The following LHCGR variants were observed in gnomAD, a reference collection of about 807,000 sequenced individuals.
LHCGR encodes the protein lutropin-choriogonadotropic hormone receptor.
A neutral mutation model predicts 60.7 loss-of-function variants in LHCGR; 55 were observed. That is an observed-to-expected ratio of 0.91 (90% confidence interval 0.73 to 1.13). The LOEUF (loss-of-function observed/expected upper bound fraction) is 1.13. LHCGR is among the 50% of genes most tolerant of loss of function. The pLI is 0.00. For synonymous variants in LHCGR, 337 were observed against 316.5 expected, an observed-to-expected ratio of 1.06 and a Z score of -0.69; for missense variants, 862 against 836.0, an observed-to-expected ratio of 1.03 and a Z score of -0.38.
Position 48,745,070 on chromosome 2 carries a change from A to G in LHCGR, c.161+10441T>C, listed in dbSNP as rs547593581. Among the ~76,000 whole-genome samples the G allele has an allele frequency of 8.1e-4, 123 of 152,352 alleles. 1 individual carries two copies. Among genetic ancestry groups the G allele is most frequent in the Admixed American group, 1.2e-3 (18 of 15,304 alleles). ...AGACACTTCTCAAAAGAAGACATTTATGCAGCCAAAAAACACATGAAAAAG... is the reference window on the plus strand; with the variant it reads ...AGACACTTCTCAAAAGAAGACATTTGTGCAGCCAAAAAACACATGAAAAAG... On this transcript the variant is annotated intron_variant, in intron 1 of 10. Transcript: ENST00000294954.
At chr2:48,743,869 A>G (rs1348626034) in intron 1 of LHCGR, among the ~76,000 whole-genome samples, 1 of 151,960 alleles carries the variant, frequency 6.6e-6, no homozygotes, top group East Asian at 1.9e-4. Flanking sequence ...GAAGGAAATA[A>G]AGGGTATTCA....
intron 4 of LHCGR, among the ~76,000 whole-genome samples, chr2:48,724,461 A>C (rs1259062678): frequency 2.6e-5 from 4 of 152,196 alleles, no homozygotes; most frequent in Non-Finnish European, 4.4e-5. Context: ...GTGACAATGA[A>C]ACAAAGCCAG....
At position 48,697,504 on chromosome 2, in the gene LHCGR, T is replaced by C. The variant is rs111333486; in HGVS notation, c.866+1111A>G. ...GTTAATGTTTTGGAAGATCAGTTAA[T>C]GGCACATGACTCTGTGAATACAGCA... is the stretch of plus-strand genomic sequence containing the variant. On this transcript the variant is annotated intron_variant, in intron 9 of 10. Transcript: ENST00000294954. 2.8e-3 allele frequency among the ~76,000 whole-genome samples: 420 copies of C among 152,358 alleles called. 8 individuals are homozygous for C. The highest frequency in any genetic ancestry group is 9.8e-3 in the African/African-American group (409 of 41,592).
chr2:48,711,666 C>T (rs1055976798), intron 7 of LHCGR, among the ~76,000 whole-genome samples: 5 of 152,110 alleles, frequency 3.3e-5, no homozygotes, highest in Admixed American at 1.3e-4. Flanking sequence ...GTTTTTCTCC[C>T]GTCTGTTTTA....
At chr2:48,707,195 CT>C (rs1667728434) in intron 8 of LHCGR, among the ~76,000 whole-genome samples, 1 of 152,214 alleles carries the variant, frequency 6.6e-6, no homozygotes, top group African/African-American at 2.4e-5. Context: ...CCACTCCGGA[CT>C]CTGTTTGCCT....
intron 6 of LHCGR, among the ~76,000 whole-genome samples, chr2:48,715,085 G>C (rs904626829): frequency 6.6e-6 from 1 of 152,092 alleles, no homozygotes; most frequent in African/African-American, 2.4e-5. Context: ...TCTCAGTGGG[G>C]CCTTTACTGG....
chr2:48,754,482 A>G (rs1158034439), intron 1 of LHCGR, among the ~76,000 whole-genome samples: 1 of 151,112 alleles, frequency 6.6e-6, no homozygotes, highest in Non-Finnish European at 1.5e-5. Flanking sequence ...CTCTTTTCAC[A>G]GCTGTATTGA....
chr2:48,743,527 G>C (rs1344959857), intron 1 of LHCGR, among the ~76,000 whole-genome samples: 1 of 152,314 alleles, frequency 6.6e-6, no homozygotes, highest in Admixed American at 6.5e-5. Flanking sequence ...TGGGATGCAA[G>C]GCTGGTTCAA....
At chr2:48,747,726 T>G (rs1451142274) in intron 1 of LHCGR, among the ~76,000 whole-genome samples, 1 of 150,736 alleles carries the variant, frequency 6.6e-6, no homozygotes, top group Non-Finnish European at 1.5e-5. Flanking sequence ...TCTCCTTACA[T>G]CTTCACAGCA....
In LHCGR at chr2:48,725,562, C is replaced by G. The variant is rs6545063; in HGVS notation, c.383+114G>C. The G allele has an allele frequency of 0.99, 766,322 of 775,656 alleles. 378,566 individuals are homozygous for G. The highest frequency in any genetic ancestry group is 1 in the East Asian group (40,114 of 40,118). 48.0% of individuals were successfully genotyped at this position (775,656 alleles called of 1,614,324 possible). A position where few individuals can be genotyped will look rare whatever the true frequency, so the allele number is the denominator to read the frequency against. On this transcript the variant is annotated intron_variant, in intron 4 of 10. Coordinates refer to ENST00000294954, the MANE Select transcript of LHCGR (RefSeq NM_000233.4). ...AATCAGAAGGCTGAAGAGGAACATG[C>G]AAATAGTGCCATGTATATGGTTAAA...
intron 7 of LHCGR, among the ~76,000 whole-genome samples, chr2:48,711,101 C>G (rs1030538765): frequency 3.3e-5 from 5 of 152,152 alleles, no homozygotes; most frequent in Non-Finnish European, 5.9e-5. Flanking sequence ...CATATCTGCT[C>G]CCTCTTTCTG....
At chr2:48,713,266 C>G (rs1268206254) in intron 7 of LHCGR, among the ~76,000 whole-genome samples, 1 of 152,088 alleles carries the variant, frequency 6.6e-6, no homozygotes, top group Admixed American at 6.5e-5. Flanking sequence ...TGGCTTTAAT[C>G]GAACTTTTCA....
intron 8 of LHCGR, among the ~76,000 whole-genome samples, chr2:48,707,790 A>G (rs1667768778): frequency 6.6e-6 from 1 of 152,186 alleles, no homozygotes; most frequent in African/African-American, 2.4e-5. Flanking sequence ...AAGCCAATGG[A>G]TCTTAGCTTG....
chr2:48,739,071 T>A (rs1208874706), intron 1 of LHCGR, among the ~76,000 whole-genome samples: 1 of 152,216 alleles, frequency 6.6e-6, no homozygotes, highest in Non-Finnish European at 1.5e-5. Context: ...CTACCCTGGA[T>A]TAAAGGTCCA....
chr2:48,724,025 C>T (rs1668618929), intron 4 of LHCGR, among the ~76,000 whole-genome samples: 1 of 152,118 alleles, frequency 6.6e-6, no homozygotes, highest in Non-Finnish European at 1.5e-5. Context: ...TATTGCATTC[C>T]ACTTTCTTTT....
At chr2:48,744,850 C>A in intron 1 of LHCGR, among the ~76,000 whole-genome samples, 1 of 151,790 alleles carries the variant, frequency 6.6e-6, no homozygotes, top group Non-Finnish European at 1.5e-5. Flanking sequence ...CAAATGGGAT[C>A]CAATTAAACT....
chr2:48,725,217 C>A (rs527520902), intron 4 of LHCGR, among the ~76,000 whole-genome samples: 4 of 152,108 alleles, frequency 2.6e-5, no homozygotes, highest in African/African-American at 9.6e-5. Flanking sequence ...TACCTTAAGG[C>A]AATACTTAAA....
At chr2:48,732,787 G>C (rs1336331770) in intron 1 of LHCGR, 1 of 522,764 alleles carries the variant, frequency 1.9e-6, no homozygotes, top group Non-Finnish European at 3.9e-6. Flanking sequence ...GGTGCTAATA[G>C]GGAGGAAATT....
chr2:48,733,760 A>G (rs1669103352), intron 1 of LHCGR, among the ~76,000 whole-genome samples: 1 of 151,782 alleles, frequency 6.6e-6, no homozygotes, highest in Non-Finnish European at 1.5e-5. Context: ...CTACAGACTT[A>G]TATGTTTTTT....
Sources: allele counts gnomAD v4.1 joint callset (sites outside exome capture counted in the v4.1 genomes callset), GRCh38; gene constraint gnomAD v4.1.1; transcripts MANE v1.5; gene names NCBI Gene and HGNC (gene_info 2026-07-23, HGNC 2026-07-21).